Variants in TACC2 observed in about 807,000 individuals in gnomAD.
The protein encoded by TACC2 is transforming acidic coiled-coil-containing protein 2.
Under a neutral mutation model 227.3 loss-of-function variants are expected in TACC2, and 137 were observed. The ratio of observed to expected loss-of-function variants is 0.60; its 90% CI spans 0.52 to 0.69. TACC2 has a LOEUF of 0.69. TACC2 is among the 30% of genes least tolerant of loss of function. The pLI is 0.00. For missense variants in TACC2, 3,470 were observed against 3,694.4 expected (o/e 0.94, Z 1.57); for synonymous variants, 1,523 against 1,487.5 (o/e 1.02, Z -0.55).
chr10:122,232,690 G>A (rs1344421036), intron 16 of TACC2, among the ~76,000 whole-genome samples: 2 of 152,154 alleles, frequency 1.3e-5, no homozygotes, highest in Non-Finnish European at 2.9e-5. Flanking sequence ...GAAAATAGAT[G>A]GTGTTCCTGT....
At chr10:122,100,476 T>C (rs1334944639) in intron 5 of TACC2, among the ~76,000 whole-genome samples, 2 of 148,656 alleles carry the variant, frequency 1.3e-5, no homozygotes, top group Non-Finnish European at 3.0e-5. Flanking sequence ...CAGGCTGGAG[T>C]GCAGTGGCCC....
intron 5 of TACC2, among the ~76,000 whole-genome samples, chr10:122,096,782 C>A (rs1219023674): frequency 6.6e-6 from 1 of 152,138 alleles, no homozygotes; most frequent in East Asian, 1.9e-4. Context: ...GATGTCTCTG[C>A]ACTGTTCTTG....
At chr10:122,200,592 G>T (rs1360782514) in intron 8 of TACC2, among the ~76,000 whole-genome samples, 1 of 150,330 alleles carries the variant, frequency 6.7e-6, no homozygotes, top group African/African-American at 2.5e-5. Flanking sequence ...CACCTCACCT[G>T]CCCACAGTGG....
intron 5 of TACC2, among the ~76,000 whole-genome samples, chr10:122,102,950 T>C (rs950702412): frequency 1.3e-5 from 2 of 152,198 alleles, no homozygotes; most frequent in African/African-American, 4.8e-5. Flanking sequence ...CTTGAATCCC[T>C]TCTACAAATA....
intron 5 of TACC2, among the ~76,000 whole-genome samples, chr10:122,107,878 A>ATTTTTT (rs1204393563): frequency 2.3e-5 from 2 of 88,426 alleles, no homozygotes; most frequent in African/African-American, 9.8e-5. Context: ...ATATATATAT[A>ATTTTTT]TATTTTTTTT....
chr10:122,083,305 T>C lies in TACC2; in HGVS notation c.805T>C (p.Ser269Pro), dbSNP rs774206095. The C allele has an allele frequency of 6.2e-6, 10 of 1,612,324 alleles. No individual in the cohort carries two copies. In the Admixed American group the frequency reaches 1.7e-4, roughly 27 times the overall value. The change falls in exon 4 of 23, where the codon TCC becomes CCC. Residue 269 changes from serine (S) to proline (P), a missense_variant. Physicochemically the swap from Ser to Pro is moderately conservative, Grantham distance 74. Around this residue, in one of 10 missense-constraint regions of TACC2, gnomAD observed 405 missense variants for 389.6 expected, o/e 1.04. Coordinates refer to ENST00000369005, the MANE Select transcript of TACC2 (RefSeq NM_206862.4). ...AGAAAGCTCAGCGGTCTTGGAGAAGTCCCCCCTAAAACCCATGGCCCCGAT... is the reference window on the plus strand; with the variant it reads ...AGAAAGCTCAGCGGTCTTGGAGAAGCCCCCCCTAAAACCCATGGCCCCGAT... ...GTESSAVLEK[S>P]PLKPMAPIPQ...
At chr10:122,039,341 G>A (rs913262635) in intron 2 of TACC2, among the ~76,000 whole-genome samples, 13 of 152,156 alleles carry the variant, frequency 8.5e-5, no homozygotes, top group Admixed American at 3.9e-4. Context: ...CCCCTTGAGA[G>A]GGTTGGAACC....
In TACC2 at chr10:122,031,839, G is replaced by A. The variant is rs1959022199; in HGVS notation, c.33+9825G>A. On this transcript the variant is annotated intron_variant, in intron 2 of 22. Coordinates refer to ENST00000369005, the MANE Select transcript of TACC2 (RefSeq NM_206862.4). ...CCTGCCTCAGCCTCCCGAGTAGCTG[G>A]GATTACAGGTGTGTGCCGCCACACC... Among the ~76,000 whole-genome samples the A allele has an allele frequency of 2.0e-5, 3 of 152,104 alleles. No homozygotes were observed. The South Asian group carries it at 6.2e-4, about 32-fold the overall frequency.
intron 7 of TACC2, among the ~76,000 whole-genome samples, chr10:122,189,025 T>A (rs1313547040): frequency 6.6e-6 from 1 of 152,128 alleles, no homozygotes; most frequent in Non-Finnish European, 1.5e-5. Context: ...TGAAATCATG[T>A]TCTTATTTAG....
chr10:122,088,408 C>A (rs1252547044), intron 4 of TACC2, 70 bp from the exon 5 acceptor site: 1 of 1,333,392 alleles, frequency 7.5e-7, no homozygotes. Context: ...TCTGCTTTTT[C>A]AATAGGACAT....
At chr10:122,094,633 T>C (rs1380425176) in intron 5 of TACC2, among the ~76,000 whole-genome samples, 2 of 152,194 alleles carry the variant, frequency 1.3e-5, no homozygotes, top group Non-Finnish European at 2.9e-5. Context: ...AAAGGGCGGC[T>C]GCCTCCTTGG....
At chr10:122,102,161 C>T (rs1297228392) in intron 5 of TACC2, among the ~76,000 whole-genome samples, 2 of 152,094 alleles carry the variant, frequency 1.3e-5, no homozygotes, top group African/African-American at 4.8e-5. Context: ...GCACTCTTCT[C>T]AACATTGGCT....
In TACC2 at chr10:122,083,828, A is replaced by C. The variant is rs759772113; in HGVS notation, c.1328A>C (p.Glu443Ala). 8.7e-6 allele frequency: 14 copies of C among 1,614,158 alleles called. No homozygotes were observed. Among genetic ancestry groups the C allele is most frequent in the Middle Eastern group, 1.6e-4 (1 of 6,062 alleles). ...GAAGAACCTGGATCATCATCCAGGGAATCAGTTTCCAAGGCTGGGATGCCA... is the reference window on the plus strand; with the variant it reads ...GAAGAACCTGGATCATCATCCAGGGCATCAGTTTCCAAGGCTGGGATGCCA... ...AVEEPGSSSR[E>A]SVSKAGMPVS... Residue 443 changes from glutamate to alanine, a missense_variant, in exon 4 of 23, where the codon GAA (glutamate) becomes GCA (alanine). Transcript: ENST00000369005.
At chr10:122,221,350 A>G (rs2095520105) in intron 11 of TACC2, among the ~76,000 whole-genome samples, 1 of 152,228 alleles carries the variant, frequency 6.6e-6, no homozygotes, top group Admixed American at 6.5e-5. Flanking sequence ...ATTGGTCTAC[A>G]CAGCTGAGTC....
Position 121,991,510 on chromosome 10 carries a change from A to C in TACC2, c.-46+2022A>C, listed in dbSNP as rs185676910. ...AAGTTTTGAAATAGTTCACATCTCAAATTAAAAATAAGTCTTTTTTGCTAA... is the reference window on the plus strand; with the variant it reads ...AAGTTTTGAAATAGTTCACATCTCACATTAAAAATAAGTCTTTTTTGCTAA... On this transcript the variant is annotated intron_variant, in intron 1 of 22. Transcript: ENST00000369005. 4.0e-3 allele frequency among the ~76,000 whole-genome samples: 602 copies of C among 152,352 alleles called. 5 individuals carry two copies. The highest frequency in any genetic ancestry group is 5.7e-3 in the Non-Finnish European group (387 of 68,030).
chr10:122,235,844 G>A (rs1411275726), intron 16 of TACC2, among the ~76,000 whole-genome samples: 3 of 152,112 alleles, frequency 2.0e-5, no homozygotes, highest in Admixed American at 1.3e-4. Flanking sequence ...TCTCACATGA[G>A]CGAGTCTCTG....
At position 122,211,691 on chromosome 10, in the gene TACC2, G is replaced by A; in HGVS notation, c.7266G>A (p.Lys2422=). Reference sequence around the variant, plus strand: ...GGCTAAACAAGCCCGCCAAGAAGAAGAAGACGCCCCTAAAGACGTAAGTTC... The same window carrying A: ...GGCTAAACAAGCCCGCCAAGAAGAAAAAGACGCCCCTAAAGACGTAAGTTC... ...GDGLNKPAKK[K]KTPLKTDTFR... The change falls in exon 9 of 23, where the codon AAG becomes AAA. Residue 2422 remains lysine, a synonymous_variant. Transcript: ENST00000369005. 1 of 1,557,932 alleles carries A rather than the reference G, an allele frequency of 6.4e-7. No homozygotes were observed. Among genetic ancestry groups the A allele is most frequent in the Non-Finnish European group, 8.6e-7 (1 of 1,159,026 alleles).
chr10:122,050,655 G>C lies in TACC2; in HGVS notation c.146+105G>C. ...ATTTGCTTTGGAAACTGGACCCTTAGACACATGGTATCGTCCTCAGTGGTG... is the reference window on the plus strand; with the variant it reads ...ATTTGCTTTGGAAACTGGACCCTTACACACATGGTATCGTCCTCAGTGGTG... On this transcript the variant is annotated intron_variant, in intron 3 of 22. Coordinates refer to ENST00000369005, the MANE Select transcript of TACC2 (RefSeq NM_206862.4). The surrounding 1 kb of genome is among the most constrained non-coding windows in gnomAD (Gnocchi z 4.6). 1.2e-6 allele frequency: 1 copy of C among 832,158 alleles called. No individual in the cohort carries two copies. The highest frequency in any genetic ancestry group is 2.0e-6 in the Non-Finnish European group (1 of 510,318). 51.5% of individuals were successfully genotyped at this position (832,158 alleles called of 1,614,324 possible).
At chr10:122,199,375 T>A (rs148283993) in intron 8 of TACC2, among the ~76,000 whole-genome samples, 85 of 152,358 alleles carry the variant, frequency 5.6e-4, no homozygotes, top group Middle Eastern at 3.4e-3. Context: ...CACAGTGGCT[T>A]CCCTTTTCTT....
Sources: gnomAD v4.1 joint callset for allele counts (sites outside exome capture counted in the v4.1 genomes callset) on GRCh38, gnomAD v4.1.1 for gene constraint, gnomAD v4.1.1 regional missense constraint, Gnocchi (gnomAD v3.1) non-coding constraint, MANE v1.5 for transcripts, NCBI Gene and HGNC (gene_info 2026-07-23, HGNC 2026-07-21) for gene names.